Variants in CORO7 observed in about 807,000 individuals in gnomAD.
CORO7 encodes coronin-7.
CORO7 carries 107 observed loss-of-function variants against 126.6 expected under a neutral mutation model. The ratio of observed to expected loss-of-function variants is 0.85; its 90% confidence interval spans 0.72 to 0.99. The LOEUF (loss-of-function observed/expected upper bound fraction) is 0.99, where lower values mean the gene tolerates loss of function less well. CORO7 is among the 50% of genes least tolerant of loss of function. The pLI is 0.00. For missense variants in CORO7, 1,314 were observed against 1,255.8 expected (o/e 1.05, Z -0.70); for synonymous variants, 603 against 536.8 (o/e 1.12, Z -1.70).
At chr16:4,378,181 T>C (rs1180222525) in intron 9 of CORO7, among the ~76,000 whole-genome samples, 1 of 152,156 alleles carries the variant, frequency 6.6e-6, no homozygotes, top group African/African-American at 2.4e-5. Flanking sequence ...AGCCCTGAAG[T>C]GTCCCAGATA....
rs2055963527 is a variant in CORO7, at chr16:4,405,482, C to T, written c.564+9G>A. The T allele has an allele frequency of 6.2e-7, 1 of 1,611,212 alleles. No individual in the cohort carries two copies. Among genetic ancestry groups the T allele is most frequent in the African/African-American group, 1.3e-5 (1 of 75,040 alleles). On this transcript the variant is annotated intron_variant, in intron 6 of 27. Transcript: ENST00000251166. ...GAGCCCCACAGGGCATCCCCACCTGCCTGCTCACCTTGCACGCCGTGCCCA... is the reference window on the plus strand; with the variant it reads ...GAGCCCCACAGGGCATCCCCACCTGTCTGCTCACCTTGCACGCCGTGCCCA...
At chr16:4,400,898 CTG>C (rs2055778420) in intron 6 of CORO7, among the ~76,000 whole-genome samples, 1 of 151,974 alleles carries the variant, frequency 6.6e-6, no homozygotes, top group Non-Finnish European at 1.5e-5. Context: ...ATCACAGACA[CTG>C]GGGGAGGAGG....
chr16:4,369,850 C>T (rs958249057), intron 9 of CORO7, among the ~76,000 whole-genome samples: 1 of 152,148 alleles, frequency 6.6e-6, no homozygotes, highest in East Asian at 1.9e-4. Context: ...CCCCCTCCAC[C>T]CCCACAGCCC....
At position 4,405,500 on chromosome 16, in the gene CORO7, C is replaced by T. The variant is rs753464714; in HGVS notation, c.555G>A (p.Thr185=). The stretch of plus-strand genomic sequence containing the variant: ...CCACCTGCCTGCTCACCTTGCACGC[C>T]GTGCCCACCAGGGCTCCATCTCGGC... ...VWSRDGALVG[T]ACKDKQLRIF... The change falls in exon 6 of 28, where the codon ACG becomes ACA. Residue 185 remains threonine (T), a synonymous_variant. Transcript: ENST00000251166. 2.5e-5 allele frequency: 41 copies of T among 1,612,304 alleles called. No homozygotes were observed. The East Asian group carries it at 4.0e-4, about 16-fold the overall frequency.
chr16:4,389,383 A>C (rs1241873403), intron 7 of CORO7, among the ~76,000 whole-genome samples: 2 of 151,978 alleles, frequency 1.3e-5, no homozygotes. Context: ...CCTCCCAGTC[A>C]CCCTGGCCCC....
intron 1 of CORO7, among the ~76,000 whole-genome samples, chr16:4,416,221 G>A (rs904297755): frequency 1.3e-5 from 2 of 152,162 alleles, no homozygotes; most frequent in African/African-American, 2.4e-5. Context: ...TGGGCGAGGC[G>A]GGCAGACCGC....
intron 14 of CORO7, among the ~76,000 whole-genome samples, chr16:4,363,439 G>A (rs1451211258): frequency 2.0e-5 from 3 of 152,026 alleles, no homozygotes; most frequent in African/African-American, 7.2e-5. Flanking sequence ...AGGCGTGGTG[G>A]TGCGCGCCTG....
chr16:4,371,688 C>T (rs1029482078), intron 9 of CORO7, among the ~76,000 whole-genome samples: 10 of 152,222 alleles, frequency 6.6e-5, no homozygotes, highest in African/African-American at 2.4e-4. Flanking sequence ...GTCAGGTGGC[C>T]GCAGGGTGAG....
In CORO7 at chr16:4,414,815, C is replaced by G. The variant is rs150859112; in HGVS notation, c.61-1411G>C. Among the ~76,000 whole-genome samples the G allele has an allele frequency of 3.3e-5, 5 of 152,258 alleles. No homozygotes were observed. The East Asian group carries it at 5.8e-4, about 18-fold the overall frequency. On this transcript the variant is annotated intron_variant, in intron 1 of 27. Coordinates refer to ENST00000251166, the MANE Select transcript of CORO7 (RefSeq NM_024535.5). ...AGTACTTAACTGCACTCAGAGCCAC[C>G]GGCTGTCTTGATGCAAACCTAGGTA...
chr16:4,389,142 G>A (rs551166003), intron 7 of CORO7, among the ~76,000 whole-genome samples: 6 of 152,302 alleles, frequency 3.9e-5, no homozygotes, highest in African/African-American at 1.2e-4. Flanking sequence ...GGGGGATTTC[G>A]AGGATCACTG....
chr16:4,364,862 C>T lies in CORO7; in HGVS notation c.957G>A (p.Ala319=), dbSNP rs758151484. The T allele has an allele frequency of 3.0e-5, 48 of 1,611,672 alleles. No individual in the cohort carries two copies. The highest frequency in any genetic ancestry group is 2.0e-4 in the Admixed American group (12 of 59,908). ...LRGAALVPRQ[A]LAVMSCEVLR... Reference sequence around the variant, plus strand: ...GTACCTCGCAGCTCATGACGGCCAGCGCCTGCCGGGGCACAAGGGCAGCCC... The same window carrying T: ...GTACCTCGCAGCTCATGACGGCCAGTGCCTGCCGGGGCACAAGGGCAGCCC... Residue 319 remains alanine, a synonymous_variant, in exon 12 of 28, where the codon GCG becomes GCA. Transcript: ENST00000251166.
chr16:4,382,642 G>T, intron 9 of CORO7: 2 of 1,557,268 alleles, frequency 1.3e-6, no homozygotes, highest in Non-Finnish European at 1.7e-6. Context: ...GCTCCTGGCC[G>T]CGCTGGCTGC....
intron 9 of CORO7, among the ~76,000 whole-genome samples, chr16:4,379,654 C>T (rs945518047): frequency 6.6e-6 from 1 of 152,054 alleles, no homozygotes; most frequent in Non-Finnish European, 1.5e-5. Context: ...GTCCTTCCCA[C>T]TTCGCTGGCA....
intron 3 of CORO7, among the ~76,000 whole-genome samples, chr16:4,411,307 T>G (rs1450581027): frequency 1.3e-5 from 2 of 152,158 alleles, no homozygotes; most frequent in African/African-American, 4.8e-5. Context: ...GTGGAAGAAT[T>G]GCTTGAGCCC....
chr16:4,355,005 G>A lies in CORO7; in HGVS notation c.*153C>T, dbSNP rs1052061146. 2.5e-5 allele frequency: 19 copies of A among 767,914 alleles called. No homozygotes were observed. The highest frequency in any genetic ancestry group is 6.5e-5 in the Admixed American group (2 of 30,950). The allele number at this position is 767,914 out of a possible 1,614,324, so 47.6% of individuals were successfully genotyped here. ...AAAACAGTCCCTGGGAACTGCCAGA[G>A]GCCCAGAGGATGTGGAAGTGCCCAC... On this transcript the variant is annotated 3_prime_UTR_variant, in exon 28 of 28. Transcript: ENST00000251166.
intron 7 of CORO7, among the ~76,000 whole-genome samples, chr16:4,393,866 C>T (rs149922422): frequency 1.0e-3 from 159 of 152,208 alleles, no homozygotes; most frequent in Non-Finnish European, 1.8e-3. Flanking sequence ...TTTGGCAGGC[C>T]GAGGAGGGTG....
chr16:4,409,651 G>T (rs1321033567), intron 3 of CORO7, among the ~76,000 whole-genome samples: 2 of 152,238 alleles, frequency 1.3e-5, no homozygotes, highest in Non-Finnish European at 2.9e-5. Flanking sequence ...TTCAGAACCT[G>T]TGCTGCTCAG....
rs776801235 is a variant in CORO7, at chr16:4,413,338, T to A, written c.127A>T (p.Ser43Cys). ...SCRNHIKSSC[S>C]LIAFNSDRPG... ...CGGTCGGAGTTGAAGGCGATCAAGC[T>A]GCAGCTTGATTTGATGTGGTTCCTG... The change falls in exon 2 of 28, where the codon AGC becomes TGC. Residue 43 changes from serine to cysteine, a missense_variant. By Grantham distance (112) the Ser-to-Cys change is moderately radical. Transcript: ENST00000251166. The A allele has an allele frequency of 4.4e-6, 7 of 1,585,790 alleles. No individual in the cohort carries two copies. The highest frequency in any genetic ancestry group is 4.3e-6 in the Non-Finnish European group (5 of 1,164,958).
rs971573249 is a variant in CORO7, at chr16:4,354,946, T to C, written c.*212A>G. 6 of 495,346 alleles carry C rather than the reference T, an allele frequency of 1.2e-5. No individual in the cohort carries two copies. The highest frequency in any genetic ancestry group is 1.2e-4 in the African/African-American group (6 of 51,930). The allele number at this position is 495,346 out of a possible 1,614,324, so 30.7% of individuals were successfully genotyped here. Reference sequence around the variant, plus strand: ...TGGCCACATGCTAGCGGGCAGCTGATGAGCAGCAGCTGACCCCAGAGACAG... The same window carrying C: ...TGGCCACATGCTAGCGGGCAGCTGACGAGCAGCAGCTGACCCCAGAGACAG... On this transcript the variant is annotated 3_prime_UTR_variant, in exon 28 of 28. Transcript: ENST00000251166.
Sources: gnomAD v4.1 joint callset for allele counts (sites outside exome capture counted in the v4.1 genomes callset) on GRCh38, gnomAD v4.1.1 for gene constraint, MANE v1.5 for transcripts, NCBI Gene and HGNC (gene_info 2026-07-23, HGNC 2026-07-21) for gene names.